NNT: variants seen among roughly 807,000 people sequenced by gnomAD.
NNT encodes the protein NAD(P) transhydrogenase, mitochondrial.
A neutral mutation model predicts 104.8 loss-of-function variants in NNT; 50 were observed. That is an observed-to-expected ratio of 0.48 (90% CI 0.38 to 0.60). NNT has a LOEUF of 0.60. Ranked by LOEUF, NNT falls within the 20% of genes least tolerant of loss-of-function variation. The probability of loss-of-function intolerance (pLI) is 0.00; values close to 1 mark genes in which losing one functional copy is unlikely to be tolerated. For synonymous variants in NNT, 461 were observed against 490.4 expected (o/e 0.94, Z 0.79); for missense variants, 1,131 against 1,330.7 (o/e 0.85, Z 2.33).
chr5:43,666,437 C>T (rs888483952), intron 17 of NNT, among the ~76,000 whole-genome samples: 26 of 152,170 alleles, frequency 1.7e-4, no homozygotes, highest in African/African-American at 2.7e-4. Flanking sequence ...CCAAAAAATA[C>T]GAAAACCAGT....
chr5:43,662,056 T>C (rs1358504247), intron 17 of NNT, among the ~76,000 whole-genome samples: 1 of 152,200 alleles, frequency 6.6e-6, no homozygotes, highest in African/African-American at 2.4e-5. Context: ...CATGCTGATA[T>C]GGGGAGAGGA....
intron 7 of NNT, among the ~76,000 whole-genome samples, chr5:43,638,921 C>T (rs1470051408): frequency 3.3e-5 from 5 of 150,822 alleles, no homozygotes; most frequent in African/African-American, 1.2e-4. Context: ...GGTTCTTTTC[C>T]CATTAAGATA....
At chr5:43,622,849 G>A (rs982385244) in intron 5 of NNT, among the ~76,000 whole-genome samples, 2 of 149,632 alleles carry the variant, frequency 1.3e-5, no homozygotes, top group African/African-American at 4.9e-5. Flanking sequence ...GTGCGATTCT[G>A]CTTTTTTAAA....
At position 43,643,426 on chromosome 5, in the gene NNT, T is replaced by C. The variant is rs75157366; in HGVS notation, c.965-766T>C. Among the ~76,000 whole-genome samples, 1,445 of 152,316 alleles carry C rather than the reference T, an allele frequency of 9.5e-3. 7 individuals are homozygous for C. Among genetic ancestry groups the C allele is most frequent in the Non-Finnish European group, 0.017 (1,150 of 68,026 alleles). ...AATTAGTGAACTTCTTAAAAAGACA[T>C]TGTGAATTTAAAATGTGAACTATTA... On this transcript the variant is annotated intron_variant, in intron 7 of 21. Coordinates refer to ENST00000344920, the MANE Select transcript of NNT (RefSeq NM_182977.3).
chr5:43,669,881 G>T (rs1264490453), intron 17 of NNT, among the ~76,000 whole-genome samples: 1 of 152,116 alleles, frequency 6.6e-6, no homozygotes, highest in African/African-American at 2.4e-5. Flanking sequence ...TGTACCTCTG[G>T]TAGAATTCAG....
chr5:43,661,655 T>G (rs571633100), intron 17 of NNT, among the ~76,000 whole-genome samples: 6,769 of 141,424 alleles, frequency 0.048, 228 homozygotes, highest in African/African-American at 0.098. Context: ...GTGAGAACAT[T>G]CGGTGTTTGG....
At chr5:43,627,127 T>C (rs1433019527) in intron 6 of NNT, among the ~76,000 whole-genome samples, 1 of 152,212 alleles carries the variant, frequency 6.6e-6, no homozygotes, top group Non-Finnish European at 1.5e-5. Context: ...CACTCCTCTC[T>C]GCTGTCCTTG....
rs534489214 is a variant in NNT at position 43,704,481 on chromosome 5, A to G, written c.*77A>G. 17 of 1,443,760 alleles carry G rather than the reference A, an allele frequency of 1.2e-5. No homozygotes were observed. Among genetic ancestry groups the G allele is most frequent in the East Asian group, 4.8e-5 (2 of 42,088 alleles). 89.4% of individuals were successfully genotyped at this position (1,443,760 alleles called of 1,614,324 possible). A position where few individuals can be genotyped will look rare whatever the true frequency, so the allele number is the denominator to read the frequency against. ...ACAGGCAAATAAAGTATCAGTATAC[A>G]TGGTGATGTACATCTGTAGCAAAGC... On this transcript the variant is annotated 3_prime_UTR_variant, in exon 22 of 22. Coordinates refer to ENST00000344920, the MANE Select transcript of NNT (RefSeq NM_182977.3).
rs922340043 is a variant in NNT at position 43,704,408 on chromosome 5, T to G, written c.*4T>G. The G allele has an allele frequency of 1.2e-6, 2 of 1,613,416 alleles. No homozygotes were observed. The highest frequency in any genetic ancestry group is 2.2e-5 in the East Asian group (1 of 44,850). ...TAGAGAATCCTATCAGAAGTAAATA[T>G]TAAGGATCAAGCTGTTAGCTAATAA... On this transcript the variant is annotated 3_prime_UTR_variant, in exon 22 of 22. Coordinates refer to ENST00000344920, the MANE Select transcript of NNT (RefSeq NM_182977.3).
intron 7 of NNT, among the ~76,000 whole-genome samples, chr5:43,629,595 A>C (rs1750569857): frequency 2.0e-5 from 3 of 152,252 alleles, no homozygotes; most frequent in Admixed American, 6.5e-5. Context: ...TCCCACTAGC[A>C]GTGTAAAAGT....
Position 43,624,012 on chromosome 5 carries a change from T to TA in NNT, c.688-18dup, listed in dbSNP as rs779423233. The TA allele has an allele frequency of 1.2e-6, 2 of 1,612,426 alleles. No homozygotes were observed. Among genetic ancestry groups the TA allele is most frequent in the Non-Finnish European group, 1.7e-6 (2 of 1,178,474 alleles). On this transcript the variant is annotated intron_variant, in intron 5 of 21. Transcript: ENST00000344920. ...TTAGTTGATAATGAGCCTTAACACA[T>TA]AACTGGGTCTGTCTTCTAGATTCTG...
intron 7 of NNT, among the ~76,000 whole-genome samples, chr5:43,642,398 AAGTTT>A (rs1378214228): frequency 6.6e-6 from 1 of 152,172 alleles, no homozygotes; most frequent in Non-Finnish European, 1.5e-5. Context: ...TGGTTGAGTA[AAGTTT>A]AGTTAAGTAT....
At chr5:43,672,928 C>A (rs939357896) in intron 17 of NNT, among the ~76,000 whole-genome samples, 1 of 152,200 alleles carries the variant, frequency 6.6e-6, no homozygotes, top group Non-Finnish European at 1.5e-5. Context: ...GCGGTGGGCT[C>A]CACCCAGTTC....
chr5:43,666,866 C>A, intron 17 of NNT: 1 of 1,511,746 alleles, frequency 6.6e-7, no homozygotes, highest in Non-Finnish European at 9.1e-7. Flanking sequence ...TTGGCCTTGG[C>A]CTTTGGCCAG....
chr5:43,626,880 A>T (rs1470160150), intron 6 of NNT, among the ~76,000 whole-genome samples: 2 of 151,480 alleles, frequency 1.3e-5, no homozygotes, highest in Non-Finnish European at 2.9e-5. Flanking sequence ...TATATATATA[A>T]CATATAAATA....
intron 17 of NNT, 132 bp from the exon 18 acceptor site, chr5:43,675,379 A>G (rs1741355464): frequency 2.9e-6 from 2 of 695,712 alleles, no homozygotes; most frequent in Non-Finnish European, 4.2e-6. Context: ...GCTGAAATTT[A>G]TCTGATTAAA....
At chr5:43,649,336 C>T (rs1739627712) in intron 11 of NNT, 28 bp downstream of exon 11, 1 of 1,612,468 alleles carries the variant, frequency 6.2e-7, no homozygotes, top group African/African-American at 1.3e-5. Flanking sequence ...TTTTCCTCAT[C>T]TCAGGTTTTC....
At chr5:43,648,028 A>T (rs561207834) in intron 10 of NNT, 1 of 1,130,798 alleles carries the variant, frequency 8.8e-7, no homozygotes, top group African/African-American at 1.6e-5. Flanking sequence ...CAGAACCAGG[A>T]TTCAAACCAG....
In NNT at chr5:43,656,721, A is replaced by T; in HGVS notation, c.2362A>T (p.Ser788Cys). Residue 788 changes from serine (S) to cysteine (C), a missense_variant, in exon 16 of 22, where the codon AGT (serine) becomes TGT (cysteine). Coordinates refer to ENST00000344920, the MANE Select transcript of NNT (RefSeq NM_182977.3). ...ACTCAATGCAGGCTTACTGGCTGCT[A>T]GTGTGGGCGGGATAATCCCATTCAT... ...HLLNAGLLAASVGGIIPFMVD... is the reference protein window; with the variant it reads ...HLLNAGLLAACVGGIIPFMVD... 6.2e-7 allele frequency: 1 copy of T among 1,614,094 alleles called. No homozygotes were observed. The highest frequency in any genetic ancestry group is 2.2e-5 in the East Asian group (1 of 44,876).
Sources: allele counts gnomAD v4.1 joint callset (sites outside exome capture counted in the v4.1 genomes callset), GRCh38; gene constraint gnomAD v4.1.1; transcripts MANE v1.5; gene names NCBI Gene and HGNC (gene_info 2026-07-23, HGNC 2026-07-21).